The following SLIT2 variants were observed in gnomAD, a reference collection of about 807,000 sequenced individuals.
SLIT2 encodes the protein slit guidance ligand 2, also known as slit homolog 2 protein.
Under a neutral mutation model 185.7 loss-of-function variants are expected in SLIT2, and 41 were observed. The ratio of observed to expected loss-of-function variants is 0.22; its 90% CI spans 0.17 to 0.29. SLIT2 has a LOEUF of 0.29. Ranked by LOEUF, SLIT2 falls within the 10% of genes least tolerant of loss-of-function variation. SLIT2 has a pLI of 1.00. For missense variants in SLIT2, 1,571 were observed against 1,909.0 expected (o/e 0.82, Z 3.30); for synonymous variants, 693 against 680.2 (o/e 1.02, Z -0.29).
Position 20,553,984 on chromosome 4 carries a change from A to G in SLIT2, c.2725+16A>G, listed in dbSNP as rs1255041310. ...ACCTGTCAAGGTATGGTTTTTAATC[A>G]TTTGTATTTCTTTTAAGAATTACTA... On this transcript the variant is annotated intron_variant, in intron 26 of 36. Coordinates refer to ENST00000504154, the MANE Select transcript of SLIT2 (RefSeq NM_004787.4). 1 of 1,558,676 alleles carries G rather than the reference A, an allele frequency of 6.4e-7. No individual in the cohort carries two copies. The highest frequency in any genetic ancestry group is 2.2e-5 in the East Asian group (1 of 44,546).
chr4:20,332,448 C>T (rs1017719730), intron 4 of SLIT2, among the ~76,000 whole-genome samples: 21 of 152,076 alleles, frequency 1.4e-4, no homozygotes, highest in Non-Finnish European at 2.8e-4. Context: ...GTGGCTCACG[C>T]CTGTAATCCT....
At chr4:20,497,169 C>T (rs1194424229) in intron 9 of SLIT2, among the ~76,000 whole-genome samples, 1 of 150,964 alleles carries the variant, frequency 6.6e-6, no homozygotes, top group East Asian at 1.9e-4. Context: ...AGACATCTTT[C>T]TCTACAGTCA....
At chr4:20,560,350 A>C (rs543251742) in intron 26 of SLIT2, among the ~76,000 whole-genome samples, 9 of 152,098 alleles carry the variant, frequency 5.9e-5, no homozygotes, top group East Asian at 1.9e-4. Flanking sequence ...TAATAAAGAC[A>C]AAAGTGTTTT....
intron 33 of SLIT2, among the ~76,000 whole-genome samples, chr4:20,603,160 A>G (rs184310923): frequency 6.6e-6 from 1 of 152,352 alleles, no homozygotes; most frequent in East Asian, 1.9e-4. Flanking sequence ...AGAAGGCGAA[A>G]GGAATGTCTT....
chr4:20,499,634 G>GC (rs1268654215), intron 9 of SLIT2, among the ~76,000 whole-genome samples: 2 of 151,860 alleles, frequency 1.3e-5, no homozygotes, highest in African/African-American at 2.4e-5. Context: ...GACTACAGGC[G>GC]CCCCCCAGCA....
At chr4:20,338,365 T>G (rs762739084) in intron 4 of SLIT2, among the ~76,000 whole-genome samples, 18 of 152,222 alleles carry the variant, frequency 1.2e-4, no homozygotes, top group Non-Finnish European at 2.1e-4. Flanking sequence ...TTCATAATAT[T>G]AGATTGAATT....
intron 34 of SLIT2, chr4:20,616,561 A>C: frequency 1.7e-5 from 3 of 173,458 alleles, no homozygotes; most frequent in Non-Finnish European, 3.7e-5. Flanking sequence ...CAGAGAGGGA[A>C]CATTCCCTTC....
chr4:20,339,881 A>G (rs983533979), intron 4 of SLIT2, among the ~76,000 whole-genome samples: 5 of 152,304 alleles, frequency 3.3e-5, no homozygotes, highest in South Asian at 4.1e-4. Flanking sequence ...ACCACATTGT[A>G]TATCATCGTA....
chr4:20,560,911 C>T (rs1452914412), intron 26 of SLIT2, among the ~76,000 whole-genome samples: 3 of 151,842 alleles, frequency 2.0e-5, no homozygotes, highest in Admixed American at 6.6e-5. Context: ...AGAGTAAAAC[C>T]TCTGTCCTCA....
At chr4:20,411,589 A>G (rs1034458846) in intron 4 of SLIT2, among the ~76,000 whole-genome samples, 4 of 152,188 alleles carry the variant, frequency 2.6e-5, no homozygotes, top group African/African-American at 9.6e-5. Context: ...TAGTCAAAGA[A>G]ACTTGAACTC....
intron 24 of SLIT2, 71 bp downstream of exon 24, chr4:20,549,199 T>G (rs148198425): frequency 4.8e-6 from 4 of 828,430 alleles, no homozygotes; most frequent in African/African-American, 3.4e-5. Context: ...TTTTTAAGGA[T>G]GTAACTGCTT....
chr4:20,318,110 A>G (rs1216202190), intron 4 of SLIT2, among the ~76,000 whole-genome samples: 1 of 152,094 alleles, frequency 6.6e-6, no homozygotes, highest in Non-Finnish European at 1.5e-5. Flanking sequence ...TGTCCATTTT[A>G]TGCTTGTTTC....
intron 33 of SLIT2, among the ~76,000 whole-genome samples, chr4:20,601,653 A>C (rs11734883): frequency 4.6e-5 from 7 of 152,196 alleles, no homozygotes; most frequent in Non-Finnish European, 1.0e-4. Flanking sequence ...AAGCAAGGCA[A>C]CCTCTGTCCT....
chr4:20,589,160 T>C (rs1727300683), intron 29 of SLIT2, among the ~76,000 whole-genome samples: 1 of 152,204 alleles, frequency 6.6e-6, no homozygotes, highest in Admixed American at 6.5e-5. Flanking sequence ...GGTCTTGTCA[T>C]GATAGTGATC....
At chr4:20,472,629 T>TAGATATATATAGATATATCG (rs1402311506) in intron 5 of SLIT2, among the ~76,000 whole-genome samples, 1 of 15,760 alleles carries the variant, frequency 6.3e-5, no homozygotes. Flanking sequence ...TCGATATATC[T>TAGATATATATAGATATATCG]ATATATATCG....
intron 4 of SLIT2, among the ~76,000 whole-genome samples, chr4:20,435,029 A>G (rs898809779): frequency 4.6e-5 from 7 of 152,200 alleles, no homozygotes; most frequent in Admixed American, 3.9e-4. Context: ...TACATATCCT[A>G]TCTTCTATTA....
Position 20,266,581 on chromosome 4 carries a change from C to A in SLIT2, c.324-2229C>A, listed in dbSNP as rs560367682. Among the ~76,000 whole-genome samples, 95 of 152,038 alleles carry A rather than the reference C, an allele frequency of 6.2e-4. 2 individuals are homozygous for A. The highest frequency in any genetic ancestry group is 1.0e-3 in the South Asian group (5 of 4,820). On this transcript the variant is annotated intron_variant, in intron 3 of 36. Transcript: ENST00000504154. ...GTTCTCATTCAGCATTTCCTAAGAA[C>A]CTACTAAGGGCCAGAGATTAGGGAA...
intron 4 of SLIT2, among the ~76,000 whole-genome samples, chr4:20,464,978 C>T (rs925821936): frequency 6.6e-6 from 1 of 152,146 alleles, no homozygotes; most frequent in African/African-American, 2.4e-5. Context: ...TATTAAATAA[C>T]AGTATGTTGG....
chr4:20,463,483 ATATATATATG>A (rs1461479510), intron 4 of SLIT2, among the ~76,000 whole-genome samples: 5 of 93,996 alleles, frequency 5.3e-5, no homozygotes, highest in African/African-American at 2.3e-4. Flanking sequence ...ATATATATAT[ATATATATATG>A]TGTGTGTGCG....
Sources: gnomAD v4.1 joint callset for allele counts (sites outside exome capture counted in the v4.1 genomes callset) on GRCh38, gnomAD v4.1.1 for gene constraint, MANE v1.5 for transcripts, NCBI Gene and HGNC (gene_info 2026-07-23, HGNC 2026-07-21) for gene names.